Variants in DNAJC6 observed in about 807,000 individuals in gnomAD.
DNAJC6 encodes the protein auxilin.
In DNAJC6, 34 loss-of-function variants were observed where a neutral mutation model predicts 110.0. The ratio of observed to expected loss-of-function variants is 0.31; its 90% CI spans 0.24 to 0.41. The LOEUF (loss-of-function observed/expected upper bound fraction) is 0.41, where lower values mean the gene tolerates loss of function less well. Ranked by LOEUF, DNAJC6 falls within the 10% of genes least tolerant of loss-of-function variation. The pLI is 1.00. For missense variants in DNAJC6, 1,031 were observed against 1,207.8 expected, an observed-to-expected ratio of 0.85 and a Z score of 2.17; for synonymous variants, 406 against 437.2, an observed-to-expected ratio of 0.93 and a Z score of 0.89.
At chr1:65,368,625 CCTT>C (rs1400854072) in intron 4 of DNAJC6, among the ~76,000 whole-genome samples, 5 of 147,652 alleles carry the variant, frequency 3.4e-5, no homozygotes, top group African/African-American at 1.0e-4. Flanking sequence ...TCCTTCTTCT[CCTT>C]CTCCTCCTCC....
rs531259477 is a variant in DNAJC6, at chr1:65,347,993, A to G, written c.194-16642A>G. Reference sequence around the variant, plus strand: ...GCAATGCAGACAGCCTTATTGGACTAAGGATGGCATTTTCTGGTGATTCGT... The same window carrying G: ...GCAATGCAGACAGCCTTATTGGACTGAGGATGGCATTTTCTGGTGATTCGT... On this transcript the variant is annotated intron_variant, in intron 1 of 18. Transcript: ENST00000371069. Among the ~76,000 whole-genome samples the G allele has an allele frequency of 9.8e-5, 15 of 152,318 alleles. No individual in the cohort carries two copies. The South Asian group carries it at 2.7e-3, about 27-fold the overall frequency.
intron 1 of DNAJC6, among the ~76,000 whole-genome samples, chr1:65,295,332 A>T (rs1309809573): frequency 6.6e-6 from 1 of 152,126 alleles, no homozygotes; most frequent in Non-Finnish European, 1.5e-5. Flanking sequence ...ACTTGTCTCC[A>T]TATGTCAGAA....
At chr1:65,274,539 A>G (rs1653602392) in intron 1 of DNAJC6, among the ~76,000 whole-genome samples, 1 of 151,888 alleles carries the variant, frequency 6.6e-6, no homozygotes, top group Non-Finnish European at 1.5e-5. Flanking sequence ...CTGGTCTCGA[A>G]CTCCTGACCT....
chr1:65,389,015 C>T (rs1645898699), intron 9 of DNAJC6, among the ~76,000 whole-genome samples: 1 of 152,174 alleles, frequency 6.6e-6, no homozygotes, highest in African/African-American at 2.4e-5. Flanking sequence ...CCCTGCTTTC[C>T]AGAATGCTTT....
intron 9 of DNAJC6, among the ~76,000 whole-genome samples, chr1:65,389,006 C>T (rs1286794754): frequency 6.6e-6 from 1 of 152,144 alleles, no homozygotes; most frequent in East Asian, 1.9e-4. Flanking sequence ...TCACATCAGC[C>T]CTGCTTTCCA....
intron 1 of DNAJC6, among the ~76,000 whole-genome samples, chr1:65,328,624 C>A (rs1645261373): frequency 1.3e-5 from 2 of 152,332 alleles, no homozygotes; most frequent in Middle Eastern, 3.4e-3. Flanking sequence ...CCATAAGGAA[C>A]CCCCATGTTG....
At chr1:65,265,564 CGA>C (rs1251839366) in intron 1 of DNAJC6, among the ~76,000 whole-genome samples, 1 of 152,064 alleles carries the variant, frequency 6.6e-6, no homozygotes, top group Non-Finnish European at 1.5e-5. Context: ...AAGAGAGAAA[CGA>C]ATTTAAATAA....
chr1:65,383,813 T>A (rs1277871600), intron 5 of DNAJC6, among the ~76,000 whole-genome samples: 1 of 152,230 alleles, frequency 6.6e-6, no homozygotes, highest in East Asian at 1.9e-4. Context: ...GATACATATA[T>A]GCCATATCCC....
intron 13 of DNAJC6, among the ~76,000 whole-genome samples, chr1:65,396,109 A>G (rs1022868401): frequency 1.3e-5 from 2 of 152,196 alleles, no homozygotes; most frequent in Non-Finnish European, 2.9e-5. Context: ...AAAAGATTCC[A>G]GGAACAACTT....
Position 65,408,745 on chromosome 1 carries a change from G to A in DNAJC6, c.2596G>A (p.Glu866Lys). The change falls in exon 17 of 19, where the codon GAG becomes AAG. Residue 866 changes from glutamate (E) to lysine (K), a missense_variant. Transcript: ENST00000371069. The stretch of plus-strand genomic sequence containing the variant: ...TCGGACAATAGCTGAGATGAGAAAG[G>A]AGGAAATGGCCAAGGAAATGGATCC... Reference protein sequence around the residue: ...GPRTIAEMRKEEMAKEMDPEK... With the variant: ...GPRTIAEMRKKEMAKEMDPEK... 1 of 1,614,012 alleles carries A rather than the reference G, an allele frequency of 6.2e-7. No homozygotes were observed. The highest frequency in any genetic ancestry group is 8.5e-7 in the Non-Finnish European group (1 of 1,179,980).
intron 1 of DNAJC6, among the ~76,000 whole-genome samples, chr1:65,340,304 G>A (rs1205143566): frequency 6.6e-6 from 1 of 152,220 alleles, no homozygotes; most frequent in Admixed American, 6.5e-5. Flanking sequence ...GTGAGTCCAG[G>A]CTCCTGCTCT....
chr1:65,389,404 C>G lies in DNAJC6; in HGVS notation c.1342C>G (p.Leu448Val). 3.1e-6 allele frequency: 5 copies of G among 1,614,130 alleles called. No homozygotes were observed. Among genetic ancestry groups the G allele is most frequent in the Non-Finnish European group, 4.2e-6 (5 of 1,180,030 alleles). The part of the protein sequence containing the change: ...YCTKDVNPSI[L>V]FSSHQEHQDT... ...CACAAAAGATGTCAATCCCAGCATCCTCTTCTCTTCTCACCAGGAACATCA... is the reference window on the plus strand; with the variant it reads ...CACAAAAGATGTCAATCCCAGCATCGTCTTCTCTTCTCACCAGGAACATCA... Residue 448 changes from leucine (L) to valine (V), a missense_variant, in exon 10 of 19, where the codon CTC becomes GTC. Transcript: ENST00000371069.
chr1:65,271,491 A>G (rs181563384), intron 1 of DNAJC6, among the ~76,000 whole-genome samples: 1 of 152,214 alleles, frequency 6.6e-6, no homozygotes, highest in South Asian at 2.1e-4. Flanking sequence ...GATTCCACAC[A>G]CAAGTGAGAT....
chr1:65,277,534 T>C (rs1415872630), intron 1 of DNAJC6, among the ~76,000 whole-genome samples: 6 of 152,338 alleles, frequency 3.9e-5, no homozygotes, highest in East Asian at 3.9e-4. Flanking sequence ...CTTGTAACTT[T>C]TATTCCAAAG....
rs77700926 is a variant in DNAJC6 at position 65,330,203 on chromosome 1, G to C, written c.193+20265G>C. ...CTTATGGACACTCTCCAGCTGGCCT[G>C]TGTGCCTCCTATTTTTGAAGCTGAC... On this transcript the variant is annotated intron_variant, in intron 1 of 18. Transcript: ENST00000371069. Among the ~76,000 whole-genome samples the C allele has an allele frequency of 8.4e-3, 1,281 of 152,264 alleles. 10 individuals are homozygous for C. The highest frequency in any genetic ancestry group is 0.034 in the South Asian group (166 of 4,818).
At chr1:65,402,148 G>T (rs1206977257) in intron 15 of DNAJC6, among the ~76,000 whole-genome samples, 1 of 152,222 alleles carries the variant, frequency 6.6e-6, no homozygotes, top group Non-Finnish European at 1.5e-5. Context: ...GCTTTCAGGG[G>T]CTCATGGCAA....
In DNAJC6 at chr1:65,347,869, T is replaced by C. The variant is rs9436268; in HGVS notation, c.194-16766T>C. Among the ~76,000 whole-genome samples the C allele has an allele frequency of 2.2e-3, 340 of 152,322 alleles. 1 individual carries two copies. The highest frequency in any genetic ancestry group is 7.8e-3 in the African/African-American group (324 of 41,582). ...ACTCCCTCCCTTGAGCTCTCTGATA[T>C]ATGGTTTTGTAAGAAGTTTTTAACA... On this transcript the variant is annotated intron_variant, in intron 1 of 18. Transcript: ENST00000371069.
chr1:65,358,654 G>A (rs1302845873), intron 1 of DNAJC6, among the ~76,000 whole-genome samples: 1 of 152,152 alleles, frequency 6.6e-6, no homozygotes, highest in Non-Finnish European at 1.5e-5. Flanking sequence ...ATTATGTGTT[G>A]TAGCCTGCTT....
At chr1:65,311,174 A>G (rs1645095703) in intron 1 of DNAJC6, among the ~76,000 whole-genome samples, 1 of 151,776 alleles carries the variant, frequency 6.6e-6, no homozygotes, top group Non-Finnish European at 1.5e-5. Context: ...CATTTTAAAT[A>G]AAACTAAAAT....
Sources: gnomAD v4.1 joint callset for allele counts (sites outside exome capture counted in the v4.1 genomes callset) on GRCh38, gnomAD v4.1.1 for gene constraint, MANE v1.5 for transcripts, NCBI Gene and HGNC (gene_info 2026-07-23, HGNC 2026-07-21) for gene names.